Variants in VAT1L observed in about 807,000 individuals in gnomAD.
VAT1L encodes the protein vesicle amine transport 1 like, also known as putative NADPH-dependent quinone oxidoreductase VAT1L.
Under a neutral mutation model 44.1 loss-of-function variants are expected in VAT1L, and 34 were observed. That is an observed-to-expected ratio of 0.77 (90% CI 0.59 to 1.03). The LOEUF (loss-of-function observed/expected upper bound fraction) is 1.03, where lower values mean the gene tolerates loss of function less well. VAT1L is among the 50% of genes least tolerant of loss of function. The pLI is 0.00. For synonymous variants in VAT1L, 253 were observed against 202.2 expected, an observed-to-expected ratio of 1.25 and a Z score of -2.13; for missense variants, 615 against 538.8, an observed-to-expected ratio of 1.14 and a Z score of -1.40.
At chr16:77,885,212 G>T (rs2017197833) in intron 7 of VAT1L, among the ~76,000 whole-genome samples, 1 of 152,188 alleles carries the variant, frequency 6.6e-6, no homozygotes, top group African/African-American at 2.4e-5. Context: ...TGGATGCCTT[G>T]AGCCCCGATG....
intron 3 of VAT1L, among the ~76,000 whole-genome samples, chr16:77,859,799 G>T (rs377017130): frequency 2.6e-4 from 39 of 152,168 alleles, no homozygotes; most frequent in Middle Eastern, 3.2e-3. Flanking sequence ...TGGCTTTAAC[G>T]CTGGGGAATG....
chr16:77,950,535 T>A (rs1345090527), intron 7 of VAT1L, among the ~76,000 whole-genome samples: 1 of 151,920 alleles, frequency 6.6e-6, no homozygotes, highest in African/African-American at 2.4e-5. Flanking sequence ...ATACAACCTA[T>A]AATTTGCATT....
intron 7 of VAT1L, among the ~76,000 whole-genome samples, chr16:77,964,779 C>CTTTTTTTTTTTTTTTTT (rs10566511): frequency 1.4e-4 from 13 of 91,884 alleles, no homozygotes; most frequent in South Asian, 7.4e-4. Flanking sequence ...CTTTGTAGCA[C>CTTTTTTTTTTTTTTTTT]TTTTTTTTTT....
In VAT1L at chr16:77,909,175, G is replaced by A. The variant is rs969163511; in HGVS notation, c.1077+24373G>A. Among the ~76,000 whole-genome samples, 17 of 152,224 alleles carry A rather than the reference G, an allele frequency of 1.1e-4. No individual in the cohort carries two copies. In the South Asian group the frequency reaches 3.5e-3, roughly 32 times the overall value. ...CCTATGGATTACAGAAGAAAATGAG[G>A]CACAGAGGAGTAAAGTCGCTTGCCT... On this transcript the variant is annotated intron_variant, in intron 7 of 8. Transcript: ENST00000302536.
chr16:77,925,164 A>G (rs1327697398), intron 7 of VAT1L, among the ~76,000 whole-genome samples: 1 of 152,122 alleles, frequency 6.6e-6, no homozygotes, highest in Non-Finnish European at 1.5e-5. Context: ...AGGGTCAGGC[A>G]AGCAAGGTAC....
intron 1 of VAT1L, among the ~76,000 whole-genome samples, chr16:77,803,324 T>C (rs2016098117): frequency 6.6e-6 from 1 of 152,182 alleles, no homozygotes; most frequent in Non-Finnish European, 1.5e-5. Context: ...GGACAGAACA[T>C]TTCCATCATT....
chr16:77,792,820 G>A (rs2015858002), intron 1 of VAT1L, among the ~76,000 whole-genome samples: 1 of 152,126 alleles, frequency 6.6e-6, no homozygotes, highest in South Asian at 2.1e-4. Context: ...ATAAAATAGA[G>A]CATCCATTTT....
chr16:77,918,381 A>G (rs932089663), intron 7 of VAT1L, among the ~76,000 whole-genome samples: 9 of 152,128 alleles, frequency 5.9e-5, no homozygotes, highest in African/African-American at 1.7e-4. Flanking sequence ...TCAAACACAT[A>G]TATCTTTCCT....
intron 3 of VAT1L, among the ~76,000 whole-genome samples, chr16:77,832,513 C>G (rs1008859488): frequency 1.3e-5 from 2 of 152,150 alleles, no homozygotes; most frequent in Non-Finnish European, 2.9e-5. Flanking sequence ...CTACCGGGCT[C>G]AGATGAGATT....
chr16:77,938,154 G>A (rs1348571027), intron 7 of VAT1L, among the ~76,000 whole-genome samples: 2 of 152,148 alleles, frequency 1.3e-5, no homozygotes, highest in Admixed American at 6.5e-5. Context: ...AGTTATTAGG[G>A]ATGGGCCCCA....
rs564586069 is a variant in VAT1L at position 77,829,996 on chromosome 16, G to A, written c.579+4535G>A. 3.9e-5 allele frequency among the ~76,000 whole-genome samples: 6 copies of A among 152,156 alleles called. No individual in the cohort carries two copies. The East Asian group carries it at 5.8e-4, about 15-fold the overall frequency. ...GAACCTAGGTGCCAGCATGTGCCCC[G>A]GCTTCCTGACCCCATTTGATGCTGT... On this transcript the variant is annotated intron_variant, in intron 3 of 8. Coordinates refer to ENST00000302536, the MANE Select transcript of VAT1L (RefSeq NM_020927.3).
At chr16:77,854,081 T>C (rs950656059) in intron 3 of VAT1L, among the ~76,000 whole-genome samples, 4 of 151,444 alleles carry the variant, frequency 2.6e-5, no homozygotes, top group Non-Finnish European at 4.4e-5. Flanking sequence ...TGAGCCAAGA[T>C]CGCACCACTG....
chr16:77,951,819 C>G (rs1362299479), intron 7 of VAT1L, among the ~76,000 whole-genome samples: 1 of 120,308 alleles, frequency 8.3e-6, no homozygotes, highest in Non-Finnish European at 1.7e-5. Flanking sequence ...CTGTGTTTTA[C>G]AACTTTTAAA....
intron 3 of VAT1L, among the ~76,000 whole-genome samples, chr16:77,833,542 G>A (rs2016604446): frequency 6.6e-6 from 1 of 152,038 alleles, no homozygotes; most frequent in African/African-American, 2.4e-5. Flanking sequence ...CACGAGGTCA[G>A]GAGTTCGAGA....
intron 4 of VAT1L, among the ~76,000 whole-genome samples, chr16:77,867,287 G>A (rs895279940): frequency 5.9e-5 from 9 of 152,230 alleles, no homozygotes; most frequent in African/African-American, 1.9e-4. Context: ...TTTCACAGGT[G>A]TGAACATATT....
At chr16:77,831,108 T>A (rs34193553) in intron 3 of VAT1L, among the ~76,000 whole-genome samples, 2,323 of 152,266 alleles carry the variant, frequency 0.015, 33 homozygotes, top group Middle Eastern at 0.031. Flanking sequence ...TACTGAAGGC[T>A]GGGTTGTTTG....
At chr16:77,823,606 A>G (rs2016485546) in intron 2 of VAT1L, among the ~76,000 whole-genome samples, 1 of 152,252 alleles carries the variant, frequency 6.6e-6, no homozygotes, top group Admixed American at 6.5e-5. Context: ...CAAAATTATA[A>G]TAAGAATAAT....
At chr16:77,889,688 G>A (rs2142465712) in intron 7 of VAT1L, among the ~76,000 whole-genome samples, 1 of 152,240 alleles carries the variant, frequency 6.6e-6, no homozygotes, top group African/African-American at 2.4e-5. Context: ...TAATGTCTGA[G>A]ACAAAAATAA....
intron 3 of VAT1L, among the ~76,000 whole-genome samples, chr16:77,827,111 T>C (rs933359889): frequency 1.3e-5 from 2 of 152,208 alleles, no homozygotes; most frequent in Non-Finnish European, 2.9e-5. Context: ...TTTAGCAAAT[T>C]TGCTGATACC....
Sources: allele counts gnomAD v4.1 joint callset (sites outside exome capture counted in the v4.1 genomes callset), GRCh38; gene constraint gnomAD v4.1.1; transcripts MANE v1.5; gene names NCBI Gene and HGNC (gene_info 2026-07-23, HGNC 2026-07-21).